The following LRRC72 variants were observed in gnomAD, a reference collection of about 807,000 sequenced individuals.
LRRC72 encodes leucine rich repeat containing 72.
A neutral mutation model predicts 35.8 loss-of-function variants in LRRC72; 41 were observed. The ratio of observed to expected loss-of-function variants is 1.15; its 90% CI spans 0.89 to 1.49. The LOEUF is 1.49. LRRC72 is among the 40% of genes most tolerant of loss of function. The probability of loss-of-function intolerance (pLI) is 0.00; values close to 1 mark genes in which losing one functional copy is unlikely to be tolerated. For missense variants in LRRC72, 389 were observed against 330.7 expected, an observed-to-expected ratio of 1.18 and a Z score of -1.37; for synonymous variants, 118 against 119.2, an observed-to-expected ratio of 0.99 and a Z score of 0.07.
chr7:16,565,829 G>A (rs2128338104), intron 5 of LRRC72, among the ~76,000 whole-genome samples: 1 of 152,310 alleles, frequency 6.6e-6, no homozygotes, highest in South Asian at 2.1e-4. Flanking sequence ...TGAACTATGA[G>A]CAATGGTGTG....
chr7:16,532,598 A>G, intron 2 of LRRC72, 30 bp downstream of exon 2: 1 of 1,419,972 alleles, frequency 7.0e-7, no homozygotes, highest in Non-Finnish European at 9.7e-7. Context: ...AAAATGAAAG[A>G]GTATCATGTT....
chr7:16,553,673 A>G (rs1317067323), intron 3 of LRRC72, among the ~76,000 whole-genome samples: 1 of 152,168 alleles, frequency 6.6e-6, no homozygotes, highest in East Asian at 1.9e-4. Context: ...CAAGGATGCT[A>G]ATGTACAACC....
chr7:16,541,685 G>A (rs1271528954), intron 3 of LRRC72, among the ~76,000 whole-genome samples: 3 of 152,272 alleles, frequency 2.0e-5, no homozygotes, highest in East Asian at 3.9e-4. Flanking sequence ...AGGCCGAGGC[G>A]AATGGATCAC....
chr7:16,580,441 G>A (rs1313387215), intron 8 of LRRC72, among the ~76,000 whole-genome samples: 5 of 152,124 alleles, frequency 3.3e-5, no homozygotes, highest in African/African-American at 1.2e-4. Flanking sequence ...TCAGGAGTTC[G>A]AGACCAGCCT....
At chr7:16,532,680 G>A in intron 2 of LRRC72, 112 bp downstream of exon 2, 1 of 821,884 alleles carries the variant, frequency 1.2e-6, no homozygotes, top group Non-Finnish European at 2.1e-6. Flanking sequence ...GGACTGGGTA[G>A]GACTCCAATT....
At chr7:16,527,183 C>T (rs2128333699) in intron 1 of LRRC72, 141 bp downstream of exon 1, 1 of 665,936 alleles carries the variant, frequency 1.5e-6, no homozygotes, top group African/African-American at 1.8e-5. Context: ...GGTCAGATTT[C>T]AAATTAATTG....
At chr7:16,573,165 A>G (rs1427676865) in intron 7 of LRRC72, among the ~76,000 whole-genome samples, 4 of 152,208 alleles carry the variant, frequency 2.6e-5, no homozygotes, top group Admixed American at 1.3e-4. Flanking sequence ...ACACAAACAA[A>G]TGGAAAAACA....
intron 1 of LRRC72, among the ~76,000 whole-genome samples, chr7:16,529,448 G>GC (rs1554392096): frequency 6.6e-6 from 1 of 152,028 alleles, no homozygotes; most frequent in Non-Finnish European, 1.5e-5. Flanking sequence ...GTTTTTTGGG[G>GC]TTTTTTTAAT....
At chr7:16,543,553 T>C (rs1311933040) in intron 3 of LRRC72, among the ~76,000 whole-genome samples, 1 of 152,210 alleles carries the variant, frequency 6.6e-6, no homozygotes, top group Non-Finnish European at 1.5e-5. Flanking sequence ...TACATACTCC[T>C]CCTCCATTCT....
chr7:16,556,959 C>A (rs923423416), intron 3 of LRRC72, among the ~76,000 whole-genome samples: 2 of 152,198 alleles, frequency 1.3e-5, no homozygotes, highest in African/African-American at 2.4e-5. Context: ...TCGGCATAAT[C>A]TAAGGGGAGA....
intron 1 of LRRC72, 145 bp downstream of exon 1, chr7:16,527,187 T>C: frequency 1.5e-6 from 1 of 662,752 alleles, no homozygotes; most frequent in South Asian, 1.9e-5. Flanking sequence ...AGATTTCAAA[T>C]TAATTGGTTA....
intron 7 of LRRC72, among the ~76,000 whole-genome samples, chr7:16,570,545 G>A (rs376737612): frequency 3.3e-5 from 5 of 152,282 alleles, no homozygotes; most frequent in Non-Finnish European, 4.4e-5. Flanking sequence ...CTCGCCAGGC[G>A]TGGTGGCTCA....
intron 3 of LRRC72, among the ~76,000 whole-genome samples, chr7:16,556,924 G>T (rs1452273543): frequency 6.6e-6 from 1 of 152,126 alleles, no homozygotes; most frequent in Non-Finnish European, 1.5e-5. Context: ...GGGAAATCAT[G>T]ACTCCTACAG....
intron 3 of LRRC72, among the ~76,000 whole-genome samples, chr7:16,546,304 A>G (rs973620823): frequency 1.3e-5 from 2 of 152,226 alleles, no homozygotes; most frequent in African/African-American, 4.8e-5. Flanking sequence ...CTTTGCCCCT[A>G]CGGTTTTTCA....
chr7:16,571,286 G>A (rs941073407), intron 7 of LRRC72, among the ~76,000 whole-genome samples: 2 of 152,084 alleles, frequency 1.3e-5, no homozygotes, highest in Non-Finnish European at 2.9e-5. Flanking sequence ...GAGGGAAGGG[G>A]GCTCCGGACA....
intron 7 of LRRC72, among the ~76,000 whole-genome samples, chr7:16,571,016 G>T (rs956054205): frequency 4.0e-5 from 6 of 151,308 alleles, no homozygotes; most frequent in East Asian, 1.9e-4. Context: ...AAGAGAACAG[G>T]CCAGTTATAC....
intron 7 of LRRC72, among the ~76,000 whole-genome samples, chr7:16,573,171 A>C (rs1562753969): frequency 6.6e-6 from 1 of 152,190 alleles, no homozygotes; most frequent in Non-Finnish European, 1.5e-5. Context: ...ACAAATGGAA[A>C]AACATTCCAT....
chr7:16,567,511 T>C lies in LRRC72; in HGVS notation c.638T>C (p.Phe213Ser). The C allele has an allele frequency of 6.7e-7, 1 of 1,492,160 alleles. No homozygotes were observed. Among genetic ancestry groups the C allele is most frequent in the Middle Eastern group, 1.8e-4 (1 of 5,710 alleles). 92.4% of individuals were successfully genotyped at this position (1,492,160 alleles called of 1,614,324 possible). The change falls in exon 7 of 9, where the codon TTT (phenylalanine) becomes TCT (serine). Residue 213 changes from phenylalanine to serine, a missense_variant. By Grantham distance (155) the Phe-to-Ser change is radical. Transcript: ENST00000401542. The part of the protein sequence containing the change: ...VDASWDPKSP[F>S]KQKPAQRVPS... ...GCTTCATGGGATCCTAAATCACCAT[T>C]TAAGCAAAAACCAGCCCAGAGAGTA...
At chr7:16,577,806 A>G (rs1413621946) in intron 7 of LRRC72, among the ~76,000 whole-genome samples, 1 of 152,248 alleles carries the variant, frequency 6.6e-6, no homozygotes, top group Non-Finnish European at 1.5e-5. Context: ...TTCACTAACG[A>G]TCAAATAAAT....
Sources: gnomAD v4.1 joint callset for allele counts (sites outside exome capture counted in the v4.1 genomes callset) on GRCh38, gnomAD v4.1.1 for gene constraint, MANE v1.5 for transcripts, NCBI Gene and HGNC (gene_info 2026-07-23, HGNC 2026-07-21) for gene names.